SYN1: variants seen among roughly 807,000 people sequenced by gnomAD.
The protein encoded by SYN1 is synapsin-1.
In SYN1, 8 loss-of-function variants were observed where a neutral mutation model predicts 44.6. The ratio of observed to expected loss-of-function variants is 0.18; its 90% CI spans 0.11 to 0.32. The LOEUF (loss-of-function observed/expected upper bound fraction) is 0.32. Among genes scored for constraint, SYN1 ranks in the 10% least tolerant of loss-of-function variants. SYN1 has a pLI of 1.00. For missense variants in SYN1, 451 were observed against 639.4 expected (o/e 0.71, Z 3.18); for synonymous variants, 275 against 280.1 (o/e 0.98, Z 0.18).
intron 1 of SYN1, among the ~76,000 whole-genome samples, chrX:47,609,269 G>T (rs752369095): frequency 8.9e-6 from 1 of 112,133 alleles, no homozygotes; most frequent in South Asian, 3.7e-4. Context: ...TCCCCACTGG[G>T]AATTGTCTTG....
intron 1 of SYN1, among the ~76,000 whole-genome samples, chrX:47,619,060 C>T (rs776036653): frequency 9.1e-6 from 1 of 110,093 alleles, no homozygotes; most frequent in South Asian, 3.9e-4. Context: ...GTTCGGTTTT[C>T]GAAGGCTCAT....
At chrX:47,591,317 A>G (rs185744550) in intron 5 of SYN1, among the ~76,000 whole-genome samples, 2 of 112,847 alleles carry the variant, frequency 1.8e-5, no homozygotes. Context: ...ACCAGGCACC[A>G]GGAATTAATG....
intron 5 of SYN1, among the ~76,000 whole-genome samples, chrX:47,581,717 G>A (rs1186073428): frequency 1.8e-5 from 2 of 111,968 alleles, no homozygotes; most frequent in East Asian, 5.6e-4. Flanking sequence ...TTTGTTGTGA[G>A]CTTTGAGTGA....
At chrX:47,579,525 C>A (rs1488199408) in intron 5 of SYN1, among the ~76,000 whole-genome samples, 2 of 110,703 alleles carry the variant, frequency 1.8e-5, no homozygotes, top group Non-Finnish European at 3.8e-5. Flanking sequence ...CCCCCATGGG[C>A]CCCCACACCC....
At chrX:47,616,081 A>G (rs1372658727) in intron 1 of SYN1, among the ~76,000 whole-genome samples, 1 of 110,396 alleles carries the variant, frequency 9.1e-6, no homozygotes, top group African/African-American at 3.3e-5. Context: ...AGTTTGCACA[A>G]CTCCTGCTTT....
chrX:47,604,650 G>C, intron 5 of SYN1: 2 of 250,482 alleles, frequency 8.0e-6, no homozygotes, highest in Non-Finnish European at 1.4e-5. Flanking sequence ...GATAATGTTA[G>C]TAATAATGAC....
Position 47,619,685 on chromosome X carries a change from G to A in SYN1, c.44C>T (p.Ala15Val). The A allele has an allele frequency of 8.5e-7, 1 of 1,170,920 alleles. No individual in the cohort carries two copies. The highest frequency in any genetic ancestry group is 1.1e-6 in the Non-Finnish European group (1 of 874,210). Residue 15 changes from alanine (A) to valine (V), a missense_variant, in exon 1 of 13, where the codon GCC (alanine) becomes GTC (valine). By Grantham distance (64) the Ala-to-Val change is moderately conservative. Transcript: ENST00000295987. ...TGTCATGTACCCATTTGGCAGATTG[G>A]CCATAAAGTTGCTGTCCGACAGGCG... is the stretch of plus-strand genomic sequence containing the variant. ...RRRLSDSNFMANLPNGYMTDL... is the reference protein window; with the variant it reads ...RRRLSDSNFMVNLPNGYMTDL...
At chrX:47,577,724 C>T (rs938281357) in intron 5 of SYN1, among the ~76,000 whole-genome samples, 1 of 110,923 alleles carries the variant, frequency 9.0e-6, no homozygotes, top group Non-Finnish European at 1.9e-5. Context: ...CTCACTCCAC[C>T]CCACCAACAA....
chrX:47,574,156 C>A lies in SYN1; in HGVS notation c.1828G>T (p.Val610Leu). 1 of 1,052,342 alleles carries A rather than the reference C, an allele frequency of 9.5e-7. No individual in the cohort carries two copies. The highest frequency in any genetic ancestry group is 3.7e-4 in the Middle Eastern group (1 of 2,698). 86.7% of individuals were successfully genotyped at this position (1,052,342 alleles called of 1,213,427 possible). A position where few individuals can be genotyped will look rare whatever the true frequency, so the allele number is the denominator to read the frequency against. ...GTGGTGGGTGGCCCAGTGCGGGGCA[C>A]GGGACCCGCCTGGCTGGCCTGGCGT... ...PTRQASQAGP[V>L]PRTGPPTTQQ... Residue 610 changes from valine to leucine, a missense_variant, in exon 12 of 13, where the codon GTG (valine) becomes TTG (leucine). Transcript: ENST00000295987.
chrX:47,579,641 C>T (rs1374000408), intron 5 of SYN1, among the ~76,000 whole-genome samples: 3 of 110,995 alleles, frequency 2.7e-5, no homozygotes, highest in Non-Finnish European at 5.7e-5. Context: ...TGTAAACAGT[C>T]GGCAACACTC....
intron 9 of SYN1, 126 bp downstream of exon 9, chrX:47,576,005 C>T (rs1207932764): frequency 1.5e-5 from 11 of 712,500 alleles, no homozygotes; most frequent in Non-Finnish European, 6.4e-6. Flanking sequence ...TCGTCAGGCA[C>T]CTTACAGTGT....
intron 5 of SYN1, among the ~76,000 whole-genome samples, chrX:47,590,761 G>A (rs2057845203): frequency 8.9e-6 from 1 of 111,814 alleles, no homozygotes; most frequent in Non-Finnish European, 1.9e-5. Context: ...TTTGTGTTGT[G>A]GCTCACCCCT....
At chrX:47,615,517 T>C (rs1012791691) in intron 1 of SYN1, among the ~76,000 whole-genome samples, 6 of 112,522 alleles carry the variant, frequency 5.3e-5, no homozygotes, top group Non-Finnish European at 9.4e-5. Context: ...CCATTTACTA[T>C]GTGCAATATG....
intron 5 of SYN1, chrX:47,586,802 G>C (rs2057829320): frequency 4.0e-6 from 4 of 999,358 alleles, no homozygotes; most frequent in Middle Eastern, 3.9e-4. Context: ...CACTGTTTCT[G>C]TGTAGTGCCT....
rs1187590686 is a variant in SYN1, at chrX:47,601,060, A to G, written c.774+3918T>C. ...AGAGTAGAAATAAATGACATAAAGA[A>G]TTTTAAAAATAGAGAACTAATAAAA... On this transcript the variant is annotated intron_variant, in intron 5 of 12. Coordinates refer to ENST00000295987, the MANE Select transcript of SYN1 (RefSeq NM_006950.3). Among the ~76,000 whole-genome samples, 10 of 112,055 alleles carry G rather than the reference A, an allele frequency of 8.9e-5. 1 individual carries two copies. Among genetic ancestry groups the G allele is most frequent in the African/African-American group, 3.2e-4 (10 of 30,919 alleles).
intron 10 of SYN1, 105 bp from the exon 11 acceptor site, chrX:47,574,880 T>G (rs2057772576): frequency 1.2e-6 from 1 of 868,209 alleles, no homozygotes; most frequent in African/African-American, 2.0e-5. Flanking sequence ...TTGCCCCACT[T>G]GTGGCTGAGC....
chrX:47,599,132 G>A (rs2057872616), intron 5 of SYN1, among the ~76,000 whole-genome samples: 1 of 111,569 alleles, frequency 9.0e-6, no homozygotes, highest in Non-Finnish European at 1.9e-5. Flanking sequence ...CTTAAAAGAA[G>A]GCATTACTAG....
At chrX:47,586,822 C>T (rs2057829369) in intron 5 of SYN1, 2 of 889,320 alleles carry the variant, frequency 2.2e-6, no homozygotes, top group Non-Finnish European at 3.0e-6. Context: ...TGGGAACAAA[C>T]CCATGTTGCT....
chrX:47,602,539 G>A (rs1049789268), intron 5 of SYN1, among the ~76,000 whole-genome samples: 3 of 110,707 alleles, frequency 2.7e-5, no homozygotes, highest in African/African-American at 9.9e-5. Context: ...CTACTCGGGA[G>A]GCTGAGTCAG....
Sources: gnomAD v4.1 joint callset for allele counts (sites outside exome capture counted in the v4.1 genomes callset) on GRCh38, gnomAD v4.1.1 for gene constraint, MANE v1.5 for transcripts, NCBI Gene and HGNC (gene_info 2026-07-23, HGNC 2026-07-21) for gene names.